EPB41L5: variants seen among roughly 807,000 people sequenced by gnomAD.
The protein encoded by EPB41L5 is erythrocyte membrane protein band 4.1 like 5.
In EPB41L5, 55 loss-of-function variants were observed where a neutral mutation model predicts 106.6. The observed-to-expected ratio is 0.52, with a 90% CI of 0.42 to 0.65. The LOEUF (loss-of-function observed/expected upper bound fraction) is 0.65, where lower values mean the gene tolerates loss of function less well. Among genes scored for constraint, EPB41L5 ranks in the 30% least tolerant of loss-of-function variants. The pLI, the probability that EPB41L5 is intolerant of heterozygous loss-of-function variation, is 0.00. For synonymous variants in EPB41L5, 297 were observed against 306.7 expected, an observed-to-expected ratio of 0.97 and a Z score of 0.33; for missense variants, 871 against 882.1, an observed-to-expected ratio of 0.99 and a Z score of 0.16.
intron 20 of EPB41L5, among the ~76,000 whole-genome samples, chr2:120,146,948 C>T (rs1351640158): frequency 1.3e-5 from 2 of 152,190 alleles, no homozygotes; most frequent in Non-Finnish European, 2.9e-5. Context: ...CATGGCACCA[C>T]ACATAGTATG....
chr2:120,132,869 T>G (rs1685762435), intron 18 of EPB41L5, among the ~76,000 whole-genome samples: 2 of 149,562 alleles, frequency 1.3e-5, no homozygotes, highest in South Asian at 2.1e-4. Context: ...CACTTGGGGG[T>G]AGGGAGGAGT....
chr2:120,056,161 A>G (rs992138405), intron 3 of EPB41L5, among the ~76,000 whole-genome samples: 6 of 151,272 alleles, frequency 4.0e-5, no homozygotes, highest in Admixed American at 6.6e-5. Flanking sequence ...GGTTTTGTCA[A>G]TTGCTTTTTC....
intron 2 of EPB41L5, among the ~76,000 whole-genome samples, chr2:120,040,714 T>C (rs974865412): frequency 2.0e-5 from 3 of 152,124 alleles, no homozygotes; most frequent in African/African-American, 7.2e-5. Context: ...AATAGAAGTA[T>C]GTCTATAAAA....
At chr2:120,145,282 G>C (rs1686346593) in intron 19 of EPB41L5, among the ~76,000 whole-genome samples, 1 of 152,210 alleles carries the variant, frequency 6.6e-6, no homozygotes, top group Non-Finnish European at 1.5e-5. Context: ...GTACATGAAT[G>C]TTCCTAGCAG....
At chr2:120,130,426 G>C (rs1025484871) in intron 17 of EPB41L5, among the ~76,000 whole-genome samples, 1 of 152,160 alleles carries the variant, frequency 6.6e-6, no homozygotes, top group South Asian at 2.1e-4. Flanking sequence ...GATTCACATA[G>C]GTAAATAGTT....
At chr2:120,133,767 T>C (rs373815023) in intron 18 of EPB41L5, among the ~76,000 whole-genome samples, 1 of 152,126 alleles carries the variant, frequency 6.6e-6, no homozygotes, top group African/African-American at 2.4e-5. Context: ...CCTAGAGAGA[T>C]ACTAGCTGGA....
chr2:120,078,725 G>T (rs79848581), intron 10 of EPB41L5, 144 bp downstream of exon 10: 1 of 538,760 alleles, frequency 1.9e-6, no homozygotes, highest in Middle Eastern at 5.3e-4. Flanking sequence ...ACACTATTAC[G>T]CATCATTATT....
intron 10 of EPB41L5, among the ~76,000 whole-genome samples, chr2:120,082,818 C>G (rs530900216): frequency 6.6e-6 from 1 of 152,258 alleles, no homozygotes; most frequent in Non-Finnish European, 1.5e-5. Flanking sequence ...TCAACTGCTT[C>G]CTGGTTTAGT....
intron 2 of EPB41L5, 71 bp downstream of exon 2, chr2:120,019,335 G>A (rs1052495216): frequency 7.0e-7 from 1 of 1,419,518 alleles, no homozygotes; most frequent in Non-Finnish European, 9.7e-7. Context: ...TAAAAGCTTT[G>A]TATTGGTAAC....
intron 24 of EPB41L5, 48 bp downstream of exon 24, chr2:120,168,055 GA>G: frequency 1.9e-6 from 3 of 1,591,172 alleles, no homozygotes; most frequent in Non-Finnish European, 2.6e-6. Context: ...CTGTTAGGAA[GA>G]AAAAAATAAT....
chr2:120,038,205 T>C (rs1359270705), intron 2 of EPB41L5, among the ~76,000 whole-genome samples: 2 of 152,036 alleles, frequency 1.3e-5, no homozygotes, highest in South Asian at 2.1e-4. Context: ...AATTCGAAAA[T>C]AGGCAAAGAA....
intron 2 of EPB41L5, 129 bp from the exon 3 acceptor site, chr2:120,041,877 A>G (rs924772818): frequency 2.2e-5 from 12 of 556,466 alleles, no homozygotes; most frequent in Non-Finnish European, 3.7e-5. Context: ...TATCTGCCAC[A>G]TGCTAATACT....
intron 20 of EPB41L5, among the ~76,000 whole-genome samples, chr2:120,150,053 C>T (rs902529537): frequency 6.6e-6 from 1 of 151,998 alleles, no homozygotes; most frequent in African/African-American, 2.4e-5. Flanking sequence ...CCACCATGCT[C>T]GGCTAAGTTT....
At chr2:120,138,246 C>G (rs1368113234) in intron 18 of EPB41L5, among the ~76,000 whole-genome samples, 2 of 151,940 alleles carry the variant, frequency 1.3e-5, no homozygotes, top group African/African-American at 4.8e-5. Context: ...GACAGACCCA[C>G]AGCTAGTATC....
At chr2:120,068,795 G>C (rs1413713691) in intron 3 of EPB41L5, among the ~76,000 whole-genome samples, 3 of 150,304 alleles carry the variant, frequency 2.0e-5, no homozygotes, top group Admixed American at 1.3e-4. Context: ...AATAAAGGGA[G>C]GGAGGAATAT....
chr2:120,056,449 C>G (rs1166700859), intron 3 of EPB41L5, among the ~76,000 whole-genome samples: 1 of 151,984 alleles, frequency 6.6e-6, no homozygotes, highest in Non-Finnish European at 1.5e-5. Flanking sequence ...CAGGCATGCA[C>G]CACTGTGCCC....
intron 20 of EPB41L5, 30 bp from the exon 21 acceptor site, chr2:120,160,851 C>A: frequency 6.5e-7 from 1 of 1,536,008 alleles, no homozygotes; most frequent in Non-Finnish European, 9.0e-7. Flanking sequence ...ACAGGTCCTA[C>A]ATGATGTGAA....
At chr2:120,016,179 T>C (rs1421602590) in intron 1 of EPB41L5, among the ~76,000 whole-genome samples, 3 of 151,978 alleles carry the variant, frequency 2.0e-5, no homozygotes, top group Non-Finnish European at 2.9e-5. Flanking sequence ...CCTGTAATCC[T>C]AGCACTTTGG....
rs376830472 is a variant in EPB41L5, at chr2:120,076,949, C to T, written c.506-22C>T. ...AGGATTTAGCAGGAAATACATATAA[C>T]TTTTGAAACTTATGTTTATAGCTGA... On this transcript the variant is annotated intron_variant, in intron 7 of 24. Transcript: ENST00000263713. 30 of 1,567,032 alleles carry T rather than the reference C, an allele frequency of 1.9e-5. No individual in the cohort carries two copies. In the African/African-American group the frequency reaches 4.0e-4, roughly 21 times the overall value.
Sources: gnomAD v4.1 joint callset for allele counts (sites outside exome capture counted in the v4.1 genomes callset) on GRCh38, gnomAD v4.1.1 for gene constraint, MANE v1.5 for transcripts, NCBI Gene and HGNC (gene_info 2026-07-23, HGNC 2026-07-21) for gene names.